Variants in BCL2 observed in about 807,000 individuals in gnomAD.
BCL2 encodes the protein apoptosis regulator Bcl-2.
Under a neutral mutation model 14.2 loss-of-function variants are expected in BCL2, and 1 was observed. The ratio of observed to expected loss-of-function variants is 0.07; its 90% CI spans 0.02 to 0.33. The LOEUF (loss-of-function observed/expected upper bound fraction) is 0.33, where lower values mean the gene tolerates loss of function less well. BCL2 is among the 10% of genes least tolerant of loss of function. The probability of loss-of-function intolerance (pLI) is 0.99; values close to 1 mark genes in which losing one functional copy is unlikely to be tolerated. For missense variants in BCL2, 247 were observed against 305.9 expected, an observed-to-expected ratio of 0.81 and a Z score of 1.44; for synonymous variants, 151 against 137.2, an observed-to-expected ratio of 1.10 and a Z score of -0.70.
At chr18:63,196,110 G>A (rs1411931134) in intron 2 of BCL2, among the ~76,000 whole-genome samples, 1 of 152,024 alleles carries the variant, frequency 6.6e-6, no homozygotes, top group Non-Finnish European at 1.5e-5. Context: ...ATTTCCTCTT[G>A]GAGACCTAAG....
intron 2 of BCL2, among the ~76,000 whole-genome samples, chr18:63,235,144 G>GA (rs11346802): frequency 6.6e-6 from 1 of 151,914 alleles, no homozygotes; most frequent in Non-Finnish European, 1.5e-5. Context: ...ATTGGCAAAG[G>GA]AAAAAAATTT....
At chr18:63,250,063 C>T (rs1456023944) in intron 2 of BCL2, among the ~76,000 whole-genome samples, 1 of 152,142 alleles carries the variant, frequency 6.6e-6, no homozygotes, top group East Asian at 1.9e-4. Flanking sequence ...AGTAGCTGTG[C>T]CAGGATCTGA....
At chr18:63,207,470 C>T (rs1387127323) in intron 2 of BCL2, among the ~76,000 whole-genome samples, 2 of 152,126 alleles carry the variant, frequency 1.3e-5, no homozygotes, top group Non-Finnish European at 2.9e-5. Context: ...TAACATTGCA[C>T]AGGGAATTAC....
Position 63,129,890 on chromosome 18 carries a change from C to T in BCL2, c.586-1131G>A, listed in dbSNP as rs140548131. Among the ~76,000 whole-genome samples, 156 of 152,266 alleles carry T rather than the reference C, an allele frequency of 1.0e-3. 9 individuals carry two copies. In the East Asian group the frequency reaches 0.015, roughly 15 times the overall value. On this transcript the variant is annotated intron_variant, in intron 2 of 2. Coordinates refer to ENST00000333681, the MANE Select transcript of BCL2 (RefSeq NM_000633.3). ...GTCAGGGGGTTTCTCTTGGGGGTGG[C>T]TAGACTGGACGACCACAACTCTGCA...
At chr18:63,189,176 C>T (rs1303073106) in intron 2 of BCL2, among the ~76,000 whole-genome samples, 1 of 140,198 alleles carries the variant, frequency 7.1e-6, no homozygotes, top group African/African-American at 2.6e-5. Context: ...TTTACCCTCC[C>T]ATTAACAGCA....
intron 2 of BCL2, among the ~76,000 whole-genome samples, chr18:63,283,235 A>G (rs575526710): frequency 6.6e-6 from 1 of 152,354 alleles, no homozygotes; most frequent in Admixed American, 6.5e-5. Context: ...ATGTCAAAAC[A>G]AATGTCATTT....
At chr18:63,235,803 C>A (rs896906011) in intron 2 of BCL2, among the ~76,000 whole-genome samples, 2 of 151,346 alleles carry the variant, frequency 1.3e-5, no homozygotes, top group African/African-American at 4.8e-5. Flanking sequence ...TAAAAAAATA[C>A]TGTGTGATGC....
At chr18:63,278,948 T>G (rs1268885444) in intron 2 of BCL2, among the ~76,000 whole-genome samples, 1 of 152,166 alleles carries the variant, frequency 6.6e-6, no homozygotes, top group African/African-American at 2.4e-5. Flanking sequence ...AAAAGATGTC[T>G]TCCCCCAGTA....
At chr18:63,148,987 G>A (rs1342454171) in intron 2 of BCL2, among the ~76,000 whole-genome samples, 4 of 152,072 alleles carry the variant, frequency 2.6e-5, no homozygotes, top group African/African-American at 4.8e-5. Flanking sequence ...TCAATCACGC[G>A]GCCTCCCTAA....
intron 2 of BCL2, among the ~76,000 whole-genome samples, chr18:63,141,227 G>A (rs1260060101): frequency 2.6e-5 from 4 of 152,132 alleles, no homozygotes; most frequent in East Asian, 1.9e-4. Flanking sequence ...ACCCTTTCTC[G>A]TGCATCCTTG....
At chr18:63,300,791 C>T (rs927091824) in intron 2 of BCL2, among the ~76,000 whole-genome samples, 11 of 152,164 alleles carry the variant, frequency 7.2e-5, no homozygotes, top group Admixed American at 1.3e-4. Context: ...GCCTGCCCCA[C>T]GCAGAAGAGC....
At chr18:63,191,092 C>T (rs1232282563) in intron 2 of BCL2, among the ~76,000 whole-genome samples, 1 of 152,148 alleles carries the variant, frequency 6.6e-6, no homozygotes, top group Non-Finnish European at 1.5e-5. Flanking sequence ...TTTCTTTATC[C>T]AGTCTATCAT....
chr18:63,188,972 T>A (rs1915654915), intron 2 of BCL2, among the ~76,000 whole-genome samples: 2 of 148,464 alleles, frequency 1.3e-5, no homozygotes, highest in South Asian at 4.2e-4. Flanking sequence ...GCCAGTACCC[T>A]ACACAGACAT....
chr18:63,221,352 T>C (rs1910386184), intron 2 of BCL2, among the ~76,000 whole-genome samples: 1 of 151,978 alleles, frequency 6.6e-6, no homozygotes, highest in Admixed American at 6.6e-5. Context: ...AGGTTAATCA[T>C]ATGGGTCCCT....
Position 63,123,876 on chromosome 18 carries a change from C to T in BCL2, c.*4749G>A. On this transcript the variant is annotated 3_prime_UTR_variant, in exon 3 of 3. Transcript: ENST00000333681. ...CAAAAGGTTTAGGTGCATGGATTTA[C>T]TCAGTATCTACACTACAGTCTTATT... is the stretch of plus-strand genomic sequence containing the variant. The T allele has an allele frequency of 1.8e-5, 4 of 218,608 alleles. No individual in the cohort carries two copies. Among genetic ancestry groups the T allele is most frequent in the Non-Finnish European group, 3.7e-5 (4 of 108,860 alleles). 13.5% of individuals were successfully genotyped at this position (218,608 alleles called of 1,614,324 possible).
intron 2 of BCL2, among the ~76,000 whole-genome samples, chr18:63,310,367 C>A (rs1046562479): frequency 6.6e-6 from 1 of 152,234 alleles, no homozygotes; most frequent in East Asian, 1.9e-4. Flanking sequence ...TTCATGCCTG[C>A]TTTGACGCCT....
intron 2 of BCL2, among the ~76,000 whole-genome samples, chr18:63,203,477 T>C (rs1039164430): frequency 6.6e-6 from 1 of 152,196 alleles, no homozygotes; most frequent in African/African-American, 2.4e-5. Flanking sequence ...GTGATTGTAC[T>C]AGCAAAGCAA....
intron 2 of BCL2, among the ~76,000 whole-genome samples, chr18:63,274,930 T>C (rs7232082): frequency 0.19 from 29,175 of 152,162 alleles, 3,066 homozygotes; most frequent in African/African-American, 0.25. Flanking sequence ...CTATTACATT[T>C]GGGTCCTACA....
In BCL2 at chr18:63,128,459, ATTG is replaced by A. The variant is rs1214941169; in HGVS notation, c.*163_*165del. On this transcript the variant is annotated 3_prime_UTR_variant, in exon 3 of 3. Transcript: ENST00000333681. Reference sequence around the variant, plus strand: ...TCGACGTTTTGCCTGAAGACTGTTAATTGTTGTGTGTGTGTGTGTCTGTCTGTG... The same window carrying A: ...TCGACGTTTTGCCTGAAGACTGTTAATTGTGTGTGTGTGTGTCTGTCTGTG... 3 of 490,604 alleles carry A rather than the reference ATTG, an allele frequency of 6.1e-6. No individual in the cohort carries two copies. Among genetic ancestry groups the A allele is most frequent in the Non-Finnish European group, 1.1e-5 (3 of 269,644 alleles). The allele number at this position is 490,604 out of a possible 1,614,324, so 30.4% of individuals were successfully genotyped here.
Sources: allele counts gnomAD v4.1 joint callset (sites outside exome capture counted in the v4.1 genomes callset), GRCh38; gene constraint gnomAD v4.1.1; transcripts MANE v1.5; gene names NCBI Gene and HGNC (gene_info 2026-07-23, HGNC 2026-07-21).